The following MECOM variants were observed in gnomAD, a reference collection of about 807,000 sequenced individuals.
MECOM encodes histone-lysine N-methyltransferase MECOM.
Under a neutral mutation model 116.3 loss-of-function variants are expected in MECOM, and 13 were observed. The ratio of observed to expected loss-of-function variants is 0.11; its 90% CI spans 0.07 to 0.18. The LOEUF (loss-of-function observed/expected upper bound fraction) is 0.18, where lower values mean the gene tolerates loss of function less well. Ranked by LOEUF, MECOM falls within the 10% of genes least tolerant of loss-of-function variation. MECOM has a pLI of 1.00. For synonymous variants in MECOM, 528 were observed against 535.2 expected (o/e 0.99, Z 0.19); for missense variants, 1,299 against 1,509.0 (o/e 0.86, Z 2.31).
At chr3:169,205,527 C>T (rs186494190) in intron 2 of MECOM, among the ~76,000 whole-genome samples, 24 of 152,192 alleles carry the variant, frequency 1.6e-4, no homozygotes, top group African/African-American at 5.5e-4. Flanking sequence ...CCGGGATCCC[C>T]TATATATTGT....
intron 1 of MECOM, among the ~76,000 whole-genome samples, chr3:169,549,467 C>T (rs1437221884): frequency 1.3e-5 from 2 of 151,600 alleles, no homozygotes; most frequent in African/African-American, 2.4e-5. Context: ...TCCACTGAAA[C>T]TTATCCTGAT....
At position 169,117,961 on chromosome 3, in the gene MECOM, A is replaced by G. The variant is rs1205157550; in HGVS notation, c.1133-1222T>C. On this transcript the variant is annotated intron_variant, in intron 7 of 16. Transcript: ENST00000651503. ...CATGTTCAATACATGCAGAAACAAG[A>G]TGTACCTTGTTGGTAATTGTTGAAG... Among the ~76,000 whole-genome samples, 3 of 152,192 alleles carry G rather than the reference A, an allele frequency of 2.0e-5. No homozygotes were observed. In the South Asian group the frequency reaches 6.2e-4, roughly 32 times the overall value.
chr3:169,294,639 T>C lies in MECOM; in HGVS notation c.375+86548A>G, dbSNP rs1715251413. On this transcript the variant is annotated intron_variant, in intron 2 of 16. Transcript: ENST00000651503. ...ACAACCAAATACAGCTCAAGGCTTA[T>C]CAGCCTTTAAGTTGATGACCTTATA... 2.0e-5 allele frequency among the ~76,000 whole-genome samples: 3 copies of C among 152,230 alleles called. No homozygotes were observed. The South Asian group carries it at 6.2e-4, about 31-fold the overall frequency.
intron 2 of MECOM, among the ~76,000 whole-genome samples, chr3:169,206,752 TA>T (rs71634427): frequency 0.016 from 2,101 of 127,994 alleles, 26 homozygotes; most frequent in African/African-American, 0.041. Context: ...GACTTCCTCT[TA>T]AAAAAAAAAA....
At chr3:169,243,150 T>C (rs1308612206) in intron 2 of MECOM, among the ~76,000 whole-genome samples, 1 of 152,214 alleles carries the variant, frequency 6.6e-6, no homozygotes, top group Non-Finnish European at 1.5e-5. Context: ...ATTACTAACA[T>C]CTTCTTTTTG....
intron 3 of MECOM, among the ~76,000 whole-genome samples, chr3:169,143,257 T>A (rs1025804844): frequency 8.6e-5 from 13 of 151,320 alleles, no homozygotes; most frequent in African/African-American, 2.7e-4. Context: ...CATAATTAGA[T>A]AAGATAACAC....
intron 5 of MECOM, among the ~76,000 whole-genome samples, chr3:169,126,704 C>T (rs1218187550): frequency 1.3e-5 from 2 of 152,016 alleles, no homozygotes; most frequent in African/African-American, 4.8e-5. Context: ...AAGGATTATG[C>T]TTAATGCCTT....
Position 169,095,083 on chromosome 3 carries a change from G to T in MECOM, c.3012C>A (p.Asn1004Lys). Residue 1004 changes from asparagine (N) to lysine (K), a missense_variant, in exon 13 of 17, where the codon AAC becomes AAA. Coordinates refer to ENST00000651503, the MANE Select transcript of MECOM (RefSeq NM_004991.4). ...DRHLKKHENG[N>K]MSGTATSSPH... ...ACACAATTTATTACGTACCGGACAT[G>T]TTCCCATTCTCATGTTTCTTTAGGT... 6.2e-7 allele frequency: 1 copy of T among 1,604,080 alleles called. No homozygotes were observed. Among genetic ancestry groups the T allele is most frequent in the South Asian group, 1.1e-5 (1 of 87,912 alleles).
Position 169,642,393 on chromosome 3 carries a change from G to A in MECOM, c.37+20943C>T, listed in dbSNP as rs149183809. 3.0e-3 allele frequency among the ~76,000 whole-genome samples: 450 copies of A among 150,386 alleles called. 2 individuals are homozygous for A. Among genetic ancestry groups the A allele is most frequent in the Admixed American group, 5.2e-3 (78 of 15,068 alleles). On this transcript the variant is annotated intron_variant, in intron 1 of 16. Transcript: ENST00000651503. ...ACATTAAGAAAACTACAAATTGTGA[G>A]CCGAGATCGCGCCACTGCCCTCCAG...
At chr3:169,656,764 A>G (rs1416238065) in intron 1 of MECOM, among the ~76,000 whole-genome samples, 2 of 152,198 alleles carry the variant, frequency 1.3e-5, no homozygotes, top group African/African-American at 2.4e-5. Context: ...ATAACATTGT[A>G]TTTTATACAC....
chr3:169,188,575 G>A (rs77146576), intron 2 of MECOM, among the ~76,000 whole-genome samples: 3,716 of 151,988 alleles, frequency 0.024, 156 homozygotes, highest in African/African-American at 0.085. Context: ...GAGTATTTCC[G>A]TATAGCCTAC....
chr3:169,368,912 A>T (rs9830455), intron 2 of MECOM, among the ~76,000 whole-genome samples: 5,916 of 152,100 alleles, frequency 0.039, 249 homozygotes, highest in African/African-American at 0.11. Flanking sequence ...GTTTTGGGAT[A>T]AACAATTTAT....
At chr3:169,614,117 T>TC (rs1365157999) in intron 1 of MECOM, among the ~76,000 whole-genome samples, 2 of 145,082 alleles carry the variant, frequency 1.4e-5, no homozygotes, top group Non-Finnish European at 3.0e-5. Flanking sequence ...CTTTTTTCTT[T>TC]TTTTTTTCTC....
chr3:169,392,630 A>T (rs971945983), intron 1 of MECOM, among the ~76,000 whole-genome samples: 4 of 152,164 alleles, frequency 2.6e-5, no homozygotes, highest in African/African-American at 7.2e-5. Flanking sequence ...CATAGATGGT[A>T]ACGTATGTGA....
At chr3:169,413,501 T>G (rs1578023284) in intron 1 of MECOM, among the ~76,000 whole-genome samples, 2 of 117,762 alleles carry the variant, frequency 1.7e-5, no homozygotes, top group Admixed American at 8.4e-5. Flanking sequence ...TTTTTTTTTT[T>G]GTACCCAAGT....
intron 1 of MECOM, among the ~76,000 whole-genome samples, chr3:169,391,525 C>T (rs1241231773): frequency 6.6e-6 from 1 of 151,876 alleles, no homozygotes; most frequent in Non-Finnish European, 1.5e-5. Flanking sequence ...CATTCAAAAC[C>T]ACAGAGATGA....
chr3:169,484,159 T>C lies in MECOM; in HGVS notation c.38-102635A>G. On this transcript the variant is annotated intron_variant, in intron 1 of 16. Coordinates refer to ENST00000651503, the MANE Select transcript of MECOM (RefSeq NM_004991.4). ...TCTTTTTATCTCACAATTCAACATT[T>C]TGCTTTGCCCAATCCCATTACTGCT... The C allele has an allele frequency of 5.9e-6, 4 of 674,960 alleles. No individual in the cohort carries two copies. The South Asian group carries it at 7.4e-5, about 12-fold the overall frequency. The allele number at this position is 674,960 out of a possible 1,614,324, so 41.8% of individuals were successfully genotyped here. A position where few individuals can be genotyped will look rare whatever the true frequency, so the allele number is the denominator to read the frequency against.
At chr3:169,192,432 T>A (rs183705309) in intron 2 of MECOM, among the ~76,000 whole-genome samples, 76 of 152,198 alleles carry the variant, frequency 5.0e-4, no homozygotes, top group Non-Finnish European at 8.1e-4. Flanking sequence ...CAAATTTTTT[T>A]ATTTAATTTT....
chr3:169,128,104 G>A (rs766997509), intron 4 of MECOM, 44 bp from the exon 5 acceptor site: 7 of 1,581,468 alleles, frequency 4.4e-6, no homozygotes, highest in Non-Finnish European at 6.1e-6. Flanking sequence ...GTCAGGAATT[G>A]CCATCACAAA....
Sources: allele counts gnomAD v4.1 joint callset (sites outside exome capture counted in the v4.1 genomes callset), GRCh38; gene constraint gnomAD v4.1.1; transcripts MANE v1.5; gene names NCBI Gene and HGNC (gene_info 2026-07-23, HGNC 2026-07-21).